Variants in LRRC74A observed in about 807,000 individuals in gnomAD.
LRRC74A encodes leucine rich repeat containing 74A.
LRRC74A carries 44 observed loss-of-function variants against 57.9 expected under a neutral mutation model. The observed-to-expected ratio is 0.76, with a 90% CI of 0.60 to 0.98. The LOEUF (loss-of-function observed/expected upper bound fraction) is 0.98, where lower values mean the gene tolerates loss of function less well. LRRC74A is among the 50% of genes least tolerant of loss of function. The pLI is 0.00. For synonymous variants in LRRC74A, 211 were observed against 219.4 expected (o/e 0.96, Z 0.34); for missense variants, 572 against 574.0 (o/e 1.00, Z 0.04).
At chr14:76,854,211 C>T (rs1003690516) in intron 9 of LRRC74A, among the ~76,000 whole-genome samples, 2 of 152,358 alleles carry the variant, frequency 1.3e-5, no homozygotes, top group Admixed American at 6.5e-5. Flanking sequence ...CAGAGCCCTG[C>T]TCCCTACTTC....
At chr14:76,835,710 G>C (rs763896029) in intron 3 of LRRC74A, among the ~76,000 whole-genome samples, 1 of 151,880 alleles carries the variant, frequency 6.6e-6, no homozygotes, top group Non-Finnish European at 1.5e-5. Context: ...CATAGACCCC[G>C]TCTCAAAAAA....
Position 76,852,404 on chromosome 14 carries a change from A to G in LRRC74A, c.716A>G (p.Asn239Ser), listed in dbSNP as rs369426466. The change falls in exon 8 of 14, where the codon AAT becomes AGT. Residue 239 changes from asparagine to serine, a missense_variant. Physicochemically the swap from Asn to Ser is conservative, Grantham distance 46. Coordinates refer to ENST00000689127, the MANE Select transcript of LRRC74A (RefSeq NM_001385106.1). ...CTCACGTCACTGGATCTGAGCTGGA[A>G]TAACTTCCACACAAGGGGAGCTGTG... ...VGLTSLDLSW[N>S]NFHTRGAVAL... is the part of the protein sequence containing the mutation. The G allele has an allele frequency of 5.6e-6, 9 of 1,612,498 alleles. No homozygotes were observed. The African/African-American group carries it at 9.3e-5, about 17-fold the overall frequency.
intron 3 of LRRC74A, 99 bp from the exon 4 acceptor site, chr14:76,836,108 C>A: frequency 1.2e-6 from 1 of 847,666 alleles, no homozygotes; most frequent in South Asian, 1.6e-5. Flanking sequence ...TAGCCTGCAT[C>A]TCCACGCCCA....
intron 10 of LRRC74A, among the ~76,000 whole-genome samples, chr14:76,858,634 G>A (rs1898071160): frequency 6.6e-6 from 1 of 152,056 alleles, no homozygotes; most frequent in Admixed American, 6.6e-5. Context: ...TCACTCTGTT[G>A]CCCAGGCTGG....
intron 9 of LRRC74A, among the ~76,000 whole-genome samples, chr14:76,854,555 G>A (rs1007672254): frequency 1.3e-5 from 2 of 152,062 alleles, no homozygotes; most frequent in Non-Finnish European, 2.9e-5. Context: ...GCAGTGAGCC[G>A]AGACCATGCC....
intron 11 of LRRC74A, among the ~76,000 whole-genome samples, chr14:76,864,929 TA>T (rs1898659395): frequency 6.6e-6 from 1 of 152,218 alleles, no homozygotes; most frequent in Non-Finnish European, 1.5e-5. Flanking sequence ...GTGGGTTCTG[TA>T]AAACAATAGG....
At chr14:76,836,082 A>C in intron 3 of LRRC74A, 125 bp from the exon 4 acceptor site, 1 of 690,072 alleles carries the variant, frequency 1.4e-6, no homozygotes, top group Non-Finnish European at 2.6e-6. Flanking sequence ...CGCCCTTGCC[A>C]GGCCTTCAGA....
intron 5 of LRRC74A, among the ~76,000 whole-genome samples, chr14:76,843,456 G>T (rs1254369843): frequency 1.3e-5 from 2 of 152,034 alleles, no homozygotes; most frequent in African/African-American, 4.8e-5. Flanking sequence ...TCACTCACAG[G>T]TGTCCCAGTC....
chr14:76,843,228 A>C (rs978006584), intron 5 of LRRC74A, among the ~76,000 whole-genome samples: 23 of 148,846 alleles, frequency 1.5e-4, no homozygotes, highest in African/African-American at 5.6e-4. Flanking sequence ...GGTTGCAGTA[A>C]GCCGAGATCA....
intron 9 of LRRC74A, among the ~76,000 whole-genome samples, 199 bp downstream of exon 9, chr14:76,853,609 T>A (rs1416027333): frequency 1.3e-5 from 2 of 152,194 alleles, no homozygotes; most frequent in African/African-American, 4.8e-5. Flanking sequence ...AGTGTCACCC[T>A]CAGTGCTCCC....
chr14:76,850,636 G>A lies in LRRC74A; in HGVS notation c.677-1729G>A, dbSNP rs1897388825. Among the ~76,000 whole-genome samples, 3 of 152,066 alleles carry A rather than the reference G, an allele frequency of 2.0e-5. No individual in the cohort carries two copies. The South Asian group carries it at 6.2e-4, about 32-fold the overall frequency. On this transcript the variant is annotated intron_variant, in intron 7 of 13. Transcript: ENST00000689127. ...AATCCCAGCACTTTGGGAGTCCGAG[G>A]CGGGTGGATCACCTGAGGTCAGGAG...
chr14:76,857,462 A>G lies in LRRC74A; in HGVS notation c.1040A>G (p.Glu347Gly). Residue 347 changes from glutamate to glycine, a missense_variant, in exon 10 of 14, where the codon GAG becomes GGG. Glu to Gly is a moderately conservative substitution (Grantham distance 98, BLOSUM62 -2). Coordinates refer to ENST00000689127, the MANE Select transcript of LRRC74A (RefSeq NM_001385106.1). ...AGGAACCCCAAATCCAGGATGGAAG[A>G]GCTTGATATTTCCGTAAGTGATCAA... Reference protein sequence around the residue: ...IKRNPKSRMEELDISNVLVSE... With the variant: ...IKRNPKSRMEGLDISNVLVSE... The G allele has an allele frequency of 1.3e-6, 2 of 1,577,624 alleles. No homozygotes were observed. Among genetic ancestry groups the G allele is most frequent in the Non-Finnish European group, 1.7e-6 (2 of 1,159,956 alleles).
intron 12 of LRRC74A, among the ~76,000 whole-genome samples, chr14:76,866,784 AG>A (rs1466207961): frequency 8.6e-5 from 13 of 151,598 alleles, no homozygotes; most frequent in Admixed American, 2.6e-4. Context: ...CAAAAAGGGG[AG>A]GCCCTTTGGA....
At chr14:76,841,481 G>A (rs5014291) in intron 5 of LRRC74A, among the ~76,000 whole-genome samples, 136,065 of 152,102 alleles carry the variant, frequency 0.89, 61,117 homozygotes, top group Non-Finnish European at 0.94. Context: ...AGTAATAGTA[G>A]TCTTGGCTAT....
intron 2 of LRRC74A, 66 bp downstream of exon 2, chr14:76,828,485 C>T (rs1199619432): frequency 1.2e-6 from 2 of 1,605,412 alleles, no homozygotes; most frequent in East Asian, 2.2e-5. Context: ...ATCTGGTTTC[C>T]AGGAGCTGTC....
chr14:76,827,917 G>A (rs975728338), intron 1 of LRRC74A, among the ~76,000 whole-genome samples: 1 of 141,104 alleles, frequency 7.1e-6, no homozygotes, highest in Non-Finnish European at 1.6e-5. Context: ...GGAAGCCTAT[G>A]TATCGGGACC....
At chr14:76,847,555 G>A (rs1477402223) in intron 7 of LRRC74A, among the ~76,000 whole-genome samples, 1 of 150,608 alleles carries the variant, frequency 6.6e-6, no homozygotes, top group East Asian at 1.9e-4. Flanking sequence ...AGGGAGGGAG[G>A]AGGGAGAGGA....
chr14:76,828,998 T>C, intron 2 of LRRC74A: 1 of 1,288,334 alleles, frequency 7.8e-7, no homozygotes, highest in Middle Eastern at 2.1e-4. Flanking sequence ...CTTTTCTTGA[T>C]AAATCTAAGC....
chr14:76,842,162 C>T (rs905117116), intron 5 of LRRC74A, among the ~76,000 whole-genome samples: 3 of 152,008 alleles, frequency 2.0e-5, no homozygotes, highest in East Asian at 1.9e-4. Context: ...TGGTCATTAC[C>T]GGTGTGTCTG....
Sources: allele counts gnomAD v4.1 joint callset (sites outside exome capture counted in the v4.1 genomes callset), GRCh38; gene constraint gnomAD v4.1.1; transcripts MANE v1.5; gene names NCBI Gene and HGNC (gene_info 2026-07-23, HGNC 2026-07-21).